SCRG1: variants seen among roughly 807,000 people sequenced by gnomAD.
SCRG1 encodes scrapie-responsive protein 1.
Under a neutral mutation model 7.7 loss-of-function variants are expected in SCRG1, and 3 were observed. The ratio of observed to expected loss-of-function variants is 0.39; its 90% confidence interval spans 0.18 to 1.01. The LOEUF (loss-of-function observed/expected upper bound fraction) is 1.01. Ranked by LOEUF, SCRG1 falls within the 50% of genes least tolerant of loss-of-function variation. SCRG1 has a pLI of 0.36. For synonymous variants in SCRG1, 46 were observed against 41.2 expected (o/e 1.12, Z -0.44); for missense variants, 110 against 117.2 (o/e 0.94, Z 0.28).
chr4:173,448,797 C>T, the SCRG1 span, among the ~76,000 whole-genome samples: 1 of 152,132 alleles, frequency 6.6e-6, no homozygotes, highest in Non-Finnish European at 1.5e-5. Flanking sequence ...TGCACAGCTG[C>T]TCTGCAGTAG....
At chr4:173,389,967 T>A (rs1458008695) in intron 2 of SCRG1, 2 of 268,686 alleles carry the variant, frequency 7.4e-6, no homozygotes, top group African/African-American at 4.5e-5. Flanking sequence ...GATTCCTCAA[T>A]AACCAGGGGG....
the SCRG1 span, among the ~76,000 whole-genome samples, chr4:173,413,290 C>G: frequency 1.3e-5 from 2 of 152,200 alleles, no homozygotes; most frequent in Admixed American, 1.3e-4. Flanking sequence ...GAAAAAATTA[C>G]TTTCTTGTGA....
At chr4:173,439,047 C>A in the SCRG1 span, among the ~76,000 whole-genome samples, 2 of 151,940 alleles carry the variant, frequency 1.3e-5, no homozygotes, top group East Asian at 1.9e-4. Context: ...CTCTTATGAG[C>A]CTCCCAGGAG....
chr4:173,484,408 A>ATTATG, the SCRG1 span, among the ~76,000 whole-genome samples: 19 of 73,612 alleles, frequency 2.6e-4, no homozygotes, highest in African/African-American at 1.1e-3. Flanking sequence ...TATATTATAT[A>ATTATG]CATATAATAT....
chr4:173,498,735 T>C, the SCRG1 span, among the ~76,000 whole-genome samples: 1 of 152,166 alleles, frequency 6.6e-6, no homozygotes, highest in Admixed American at 6.5e-5. Context: ...TATATGTATG[T>C]ATATGTGTGT....
chr4:173,421,346 C>T, the SCRG1 span, among the ~76,000 whole-genome samples: 1 of 151,682 alleles, frequency 6.6e-6, no homozygotes, highest in African/African-American at 2.4e-5. Flanking sequence ...AATAAATTGT[C>T]GAATGAGTCA....
At chr4:173,433,024 A>C in the SCRG1 span, among the ~76,000 whole-genome samples, 24 of 152,378 alleles carry the variant, frequency 1.6e-4, no homozygotes, top group African/African-American at 5.5e-4. Context: ...CATGAAAAAA[A>C]TAGAATTGGA....
At chr4:173,477,916 G>A in the SCRG1 span, among the ~76,000 whole-genome samples, 12 of 151,938 alleles carry the variant, frequency 7.9e-5, no homozygotes, top group Admixed American at 2.0e-4. Flanking sequence ...CCACAGGCAT[G>A]CACCACCATA....
chr4:173,397,469 C>T (rs534084627), intron 1 of SCRG1, among the ~76,000 whole-genome samples: 225 of 151,982 alleles, frequency 1.5e-3, no homozygotes, highest in African/African-American at 5.1e-3. Context: ...TTTTTTAATT[C>T]GATTTTATGT....
chr4:173,392,387 A>G (rs1349053376), intron 1 of SCRG1, among the ~76,000 whole-genome samples: 3 of 152,204 alleles, frequency 2.0e-5, no homozygotes, highest in Admixed American at 2.0e-4. Context: ...AACTCCTACC[A>G]TGATGGGGAA....
At chr4:173,444,930 C>CT in the SCRG1 span, among the ~76,000 whole-genome samples, 1 of 151,930 alleles carries the variant, frequency 6.6e-6, no homozygotes, top group Non-Finnish European at 1.5e-5. Flanking sequence ...ATCATTTAGT[C>CT]TTTTTTTTCC....
chr4:173,451,792 C>A, the SCRG1 span, among the ~76,000 whole-genome samples: 4 of 151,884 alleles, frequency 2.6e-5, no homozygotes, highest in African/African-American at 7.3e-5. Context: ...CTTTTAAATA[C>A]TACCTCTGTC....
the SCRG1 span, among the ~76,000 whole-genome samples, chr4:173,457,050 T>C: frequency 2.3e-4 from 35 of 152,262 alleles, no homozygotes; most frequent in African/African-American, 7.7e-4. Flanking sequence ...CAGAAAGAGA[T>C]AAAAGAGAAT....
At chr4:173,485,339 A>G in the SCRG1 span, among the ~76,000 whole-genome samples, 2 of 148,774 alleles carry the variant, frequency 1.3e-5, no homozygotes, top group South Asian at 2.1e-4. Context: ...GTCACTACCA[A>G]GTAAATCAGA....
chr4:173,476,973 G>A, the SCRG1 span, among the ~76,000 whole-genome samples: 17 of 152,130 alleles, frequency 1.1e-4, no homozygotes, highest in Non-Finnish European at 4.4e-5. Context: ...ACTACAATTA[G>A]CATATCTGGG....
chr4:173,415,557 T>A, the SCRG1 span, among the ~76,000 whole-genome samples: 4 of 152,208 alleles, frequency 2.6e-5, no homozygotes, highest in African/African-American at 9.6e-5. Flanking sequence ...GGCCTCCAAA[T>A]AGCCTTTTCT....
chr4:173,400,252 AT>A (rs1428383031), upstream of SCRG1, among the ~76,000 whole-genome samples: 1 of 152,196 alleles, frequency 6.6e-6, no homozygotes, highest in Middle Eastern at 3.2e-3. Flanking sequence ...TTAAGTGTTT[AT>A]GTTTAGCATA....
chr4:173,465,642 AT>A, the SCRG1 span, among the ~76,000 whole-genome samples: 163 of 151,072 alleles, frequency 1.1e-3, 3 homozygotes, highest in African/African-American at 3.8e-3. Context: ...ACATATATAT[AT>A]TTTTTGTATA....
chr4:173,518,372 A>G, the SCRG1 span, among the ~76,000 whole-genome samples: 1 of 152,238 alleles, frequency 6.6e-6, no homozygotes, highest in Non-Finnish European at 1.5e-5. Context: ...AACCCGGAGC[A>G]TTTATTTAAA....
Sources: gnomAD v4.1 joint callset for allele counts (sites outside exome capture counted in the v4.1 genomes callset) on GRCh38, gnomAD v4.1.1 for gene constraint, MANE v1.5 for transcripts, NCBI Gene and HGNC (gene_info 2026-07-23, HGNC 2026-07-21) for gene names.